The following DOCK1 variants were observed in gnomAD, a reference collection of about 807,000 sequenced individuals.
DOCK1 encodes dedicator of cytokinesis protein 1.
DOCK1 carries 138 observed loss-of-function variants against 262.7 expected under a neutral mutation model. That is an observed-to-expected ratio of 0.53 (90% CI 0.46 to 0.61). The LOEUF (loss-of-function observed/expected upper bound fraction) is 0.61. DOCK1 is among the 20% of genes least tolerant of loss of function. The probability of loss-of-function intolerance (pLI) is 0.00; values close to 1 mark genes in which losing one functional copy is unlikely to be tolerated. For missense variants in DOCK1, 1,908 were observed against 2,370.7 expected (o/e 0.80, Z 4.05); for synonymous variants, 866 against 867.4 (o/e 1.00, Z 0.03).
intron 29 of DOCK1, among the ~76,000 whole-genome samples, chr10:127,286,327 A>T (rs2061151406): frequency 6.6e-6 from 1 of 152,218 alleles, no homozygotes; most frequent in Admixed American, 6.5e-5. Context: ...GATTTCTTTC[A>T]GCACTTCAAA....
intron 29 of DOCK1, among the ~76,000 whole-genome samples, chr10:127,327,656 T>A (rs1460278288): frequency 1.3e-5 from 2 of 152,152 alleles, no homozygotes; most frequent in Admixed American, 6.5e-5. Flanking sequence ...TGGAAACACA[T>A]AGCAAAGAAA....
At chr10:127,421,203 C>T (rs2134496407) in intron 46 of DOCK1, among the ~76,000 whole-genome samples, 1 of 152,236 alleles carries the variant, frequency 6.6e-6, no homozygotes, top group East Asian at 1.9e-4. Context: ...GCATGAGCCA[C>T]TGCACCAGGC....
chr10:126,955,379 G>A (rs2036648070), intron 1 of DOCK1, among the ~76,000 whole-genome samples: 1 of 152,212 alleles, frequency 6.6e-6, no homozygotes, highest in Admixed American at 6.5e-5. Context: ...GCTCACCTTG[G>A]CCTCCCAAAG....
chr10:127,297,489 GT>G (rs1202662458), intron 29 of DOCK1, among the ~76,000 whole-genome samples: 17 of 151,192 alleles, frequency 1.1e-4, no homozygotes, highest in Admixed American at 2.0e-4. Context: ...GAGATAGGCA[GT>G]GAGCACAGAA....
intron 23 of DOCK1, among the ~76,000 whole-genome samples, chr10:127,091,827 T>C (rs1288267011): frequency 6.6e-6 from 1 of 152,150 alleles, no homozygotes; most frequent in Non-Finnish European, 1.5e-5. Flanking sequence ...TCAGGGAAGC[T>C]CCTGTGCACC....
chr10:127,272,247 A>G (rs2060595481), intron 29 of DOCK1: 1 of 152,260 alleles, frequency 6.6e-6, no homozygotes, highest in African/African-American at 2.4e-5. Context: ...ATTTAGGAAG[A>G]AAATGAACTC....
chr10:127,212,918 ACCTC>A (rs574572656), intron 27 of DOCK1, among the ~76,000 whole-genome samples: 117 of 152,120 alleles, frequency 7.7e-4, no homozygotes, highest in African/African-American at 2.7e-3. Flanking sequence ...CATTTAAACA[ACCTC>A]CCTATTTAAA....
intron 27 of DOCK1, among the ~76,000 whole-genome samples, chr10:127,151,922 C>G (rs1240713420): frequency 6.6e-6 from 1 of 152,154 alleles, no homozygotes; most frequent in Non-Finnish European, 1.5e-5. Flanking sequence ...CTTATTCAGT[C>G]ACTTTTAATG....
intron 21 of DOCK1, among the ~76,000 whole-genome samples, chr10:127,047,872 T>A (rs1373347431): frequency 1.1e-4 from 17 of 152,258 alleles, no homozygotes; most frequent in Admixed American, 1.1e-3. Context: ...CTGAGCAGTA[T>A]TTTATTGTAT....
At chr10:127,109,658 A>T (rs949932455) in intron 24 of DOCK1, among the ~76,000 whole-genome samples, 1 of 152,172 alleles carries the variant, frequency 6.6e-6, no homozygotes, top group African/African-American at 2.4e-5. Flanking sequence ...GGCTTCTTCT[A>T]CTTAGCATAA....
chr10:127,141,756 T>A (rs1430465393), intron 27 of DOCK1, among the ~76,000 whole-genome samples: 1 of 152,100 alleles, frequency 6.6e-6, no homozygotes, highest in Non-Finnish European at 1.5e-5. Context: ...AAAAATTATG[T>A]TGTGTCCTCC....
At chr10:127,065,552 G>C (rs1159983029) in intron 23 of DOCK1, among the ~76,000 whole-genome samples, 2 of 152,172 alleles carry the variant, frequency 1.3e-5, no homozygotes. Flanking sequence ...TGCTCCAGAA[G>C]TGGAATTGCT....
chr10:127,204,588 T>C (rs1174747617), intron 27 of DOCK1, among the ~76,000 whole-genome samples: 1 of 152,028 alleles, frequency 6.6e-6, no homozygotes, highest in Non-Finnish European at 1.5e-5. Flanking sequence ...TGCCTGACCG[T>C]TTTTTTAAAA....
In DOCK1 at chr10:127,182,106, G is replaced by A. The variant is rs368345635; in HGVS notation, c.2847+54342G>A. On this transcript the variant is annotated intron_variant, in intron 27 of 51. Transcript: ENST00000623213. Reference sequence around the variant, plus strand: ...AACTATGGCTCCTTGGAGGAAACACGGAGATGGCACGCCCCGTTCCCTCGA... The same window carrying A: ...AACTATGGCTCCTTGGAGGAAACACAGAGATGGCACGCCCCGTTCCCTCGA... 5.3e-5 allele frequency among the ~76,000 whole-genome samples: 8 copies of A among 152,252 alleles called. No homozygotes were observed. The East Asian group carries it at 9.7e-4, about 18-fold the overall frequency.
At chr10:127,157,480 C>T (rs1383952486) in intron 27 of DOCK1, among the ~76,000 whole-genome samples, 1 of 152,222 alleles carries the variant, frequency 6.6e-6, no homozygotes, top group Non-Finnish European at 1.5e-5. Context: ...GGAAACACTT[C>T]TTGACTTTTA....
In DOCK1 at chr10:127,418,543, T is replaced by C. The variant is rs189743657; in HGVS notation, c.4692+2T>C. Reference sequence around the variant, plus strand: ...GGGGGCTTCGCAAACTACGAAAAGGTACGGGACCCACCAGCTTGCTCTGGG... The same window carrying C: ...GGGGGCTTCGCAAACTACGAAAAGGCACGGGACCCACCAGCTTGCTCTGGG... On this transcript the variant is annotated splice_donor_variant, in intron 45 of 51. Transcript: ENST00000623213. LOFTEE classifies it low-confidence loss of function (ANC_ALLELE). 1,108 of 1,612,168 alleles carry C rather than the reference T, an allele frequency of 6.9e-4. 3 individuals are homozygous for C. The African/African-American group carries it at 9.9e-3, about 14-fold the overall frequency.
chr10:127,425,858 CCT>C lies in DOCK1; in HGVS notation c.4777-11_4777-10del. ...TTATCCAAGAAATAAGGAATGTCAA[CCT>C]CTCTGTTTTCCAGATTCCTTTTCTG... On this transcript the variant is annotated splice_polypyrimidine_tract_variant and intron_variant, in intron 46 of 51. Coordinates refer to ENST00000623213, the MANE Select transcript of DOCK1 (RefSeq NM_001290223.2). The C allele has an allele frequency of 1.9e-6, 3 of 1,613,918 alleles. No individual in the cohort carries two copies. Among genetic ancestry groups the C allele is most frequent in the Non-Finnish European group, 8.5e-7 (1 of 1,179,846 alleles).
At chr10:127,139,395 A>T (rs1028613256) in intron 27 of DOCK1, among the ~76,000 whole-genome samples, 69 of 144,854 alleles carry the variant, frequency 4.8e-4, no homozygotes, top group African/African-American at 1.2e-3. Context: ...TCAAAAAATT[A>T]AAAAAAAAAA....
chr10:127,334,776 TG>T (rs2063124399), intron 29 of DOCK1, among the ~76,000 whole-genome samples: 1 of 152,232 alleles, frequency 6.6e-6, no homozygotes, highest in Non-Finnish European at 1.5e-5. Context: ...CATTTGTTAT[TG>T]TTTTTTAGAA....
Sources: allele counts gnomAD v4.1 joint callset (sites outside exome capture counted in the v4.1 genomes callset), GRCh38; gene constraint gnomAD v4.1.1; transcripts MANE v1.5; gene names NCBI Gene and HGNC (gene_info 2026-07-23, HGNC 2026-07-21).